The following SLIT3 variants were observed in gnomAD, a reference collection of about 807,000 sequenced individuals.
SLIT3 encodes slit guidance ligand 3.
A neutral mutation model predicts 184.0 loss-of-function variants in SLIT3; 68 were observed. That is an observed-to-expected ratio of 0.37 (90% CI 0.30 to 0.45). The LOEUF is 0.45. Ranked by LOEUF, SLIT3 falls within the 20% of genes least tolerant of loss-of-function variation. The probability of loss-of-function intolerance (pLI) is 1.00; values close to 1 mark genes in which losing one functional copy is unlikely to be tolerated. For synonymous variants in SLIT3, 831 were observed against 828.6 expected, an observed-to-expected ratio of 1.00 and a Z score of -0.05; for missense variants, 1,707 against 2,026.0, an observed-to-expected ratio of 0.84 and a Z score of 3.02.
chr5:169,016,559 T>G (rs1756382092), intron 4 of SLIT3, among the ~76,000 whole-genome samples: 1 of 152,196 alleles, frequency 6.6e-6, no homozygotes, highest in Admixed American at 6.5e-5. Context: ...ATCCATCCAT[T>G]AAAAACATAT....
intron 3 of SLIT3, among the ~76,000 whole-genome samples, chr5:169,215,521 C>T (rs1447174770): frequency 6.6e-6 from 1 of 152,118 alleles, no homozygotes; most frequent in African/African-American, 2.4e-5. Flanking sequence ...TGTCTGTCAA[C>T]ATTACTCAAT....
intron 9 of SLIT3, among the ~76,000 whole-genome samples, chr5:168,802,670 C>T (rs776418452): frequency 5.3e-5 from 8 of 152,158 alleles, no homozygotes; most frequent in South Asian, 2.1e-4. Context: ...CCTATGTTTA[C>T]GGAGGGATCT....
At chr5:169,296,118 G>T (rs1009108145) in intron 1 of SLIT3, among the ~76,000 whole-genome samples, 2 of 152,172 alleles carry the variant, frequency 1.3e-5, no homozygotes, top group Non-Finnish European at 2.9e-5. Flanking sequence ...TCATGTCATA[G>T]GTTACTAGTG....
At chr5:169,230,658 C>T (rs1481504143) in intron 3 of SLIT3, among the ~76,000 whole-genome samples, 1 of 152,112 alleles carries the variant, frequency 6.6e-6, no homozygotes, top group East Asian at 1.9e-4. Context: ...TCCTTTCTAG[C>T]CTATTTCCTC....
At chr5:169,152,355 C>A (rs1392172731) in intron 4 of SLIT3, among the ~76,000 whole-genome samples, 1 of 152,236 alleles carries the variant, frequency 6.6e-6, no homozygotes, top group Non-Finnish European at 1.5e-5. Context: ...GAGACTCGAA[C>A]CTGCTGATCC....
chr5:168,909,533 A>T (rs1425862217), intron 4 of SLIT3, among the ~76,000 whole-genome samples: 1 of 152,146 alleles, frequency 6.6e-6, no homozygotes, highest in Non-Finnish European at 1.5e-5. Flanking sequence ...ACTGCCATTT[A>T]TCATTGAGCT....
chr5:169,213,930 A>C (rs1438631951), intron 3 of SLIT3, among the ~76,000 whole-genome samples: 1 of 152,230 alleles, frequency 6.6e-6, no homozygotes, highest in Non-Finnish European at 1.5e-5. Flanking sequence ...GGTGTGGAAT[A>C]AAGTAAGAGT....
intron 4 of SLIT3, among the ~76,000 whole-genome samples, chr5:169,009,915 C>G (rs1014671716): frequency 6.6e-6 from 1 of 152,058 alleles, no homozygotes; most frequent in African/African-American, 2.4e-5. Context: ...GTTCTTGTTC[C>G]TCAAGCAAGT....
intron 4 of SLIT3, among the ~76,000 whole-genome samples, chr5:169,078,911 G>C (rs1391350480): frequency 1.3e-5 from 2 of 152,132 alleles, no homozygotes; most frequent in Non-Finnish European, 2.9e-5. Context: ...ACTAAGACTT[G>C]GAGGAATTAA....
At chr5:168,890,176 T>C (rs904013988) in intron 4 of SLIT3, among the ~76,000 whole-genome samples, 2 of 151,534 alleles carry the variant, frequency 1.3e-5, no homozygotes, top group African/African-American at 4.9e-5. Flanking sequence ...GAGCACCAGT[T>C]TCACTGTTTC....
chr5:169,194,581 A>T (rs773609240), intron 3 of SLIT3, among the ~76,000 whole-genome samples: 2 of 152,122 alleles, frequency 1.3e-5, no homozygotes, highest in Non-Finnish European at 2.9e-5. Context: ...CCAAAAGTTC[A>T]TTTTTGTCTT....
intron 4 of SLIT3, among the ~76,000 whole-genome samples, chr5:169,129,050 G>A (rs1270500250): frequency 6.6e-6 from 1 of 152,186 alleles, no homozygotes; most frequent in Admixed American, 6.5e-5. Flanking sequence ...CACGGCAGGG[G>A]AGCGGGGGTT....
chr5:169,290,048 C>T (rs560505347), intron 1 of SLIT3, among the ~76,000 whole-genome samples: 6 of 149,262 alleles, frequency 4.0e-5, no homozygotes, highest in African/African-American at 7.3e-5. Context: ...TTAGGGCATA[C>T]GCCAGGGCAC....
chr5:169,215,353 T>G (rs1027462540), intron 3 of SLIT3, among the ~76,000 whole-genome samples: 2 of 152,212 alleles, frequency 1.3e-5, no homozygotes, highest in Non-Finnish European at 2.9e-5. Context: ...TTCTAGGAAG[T>G]CTGTCTGATC....
intron 10 of SLIT3, among the ~76,000 whole-genome samples, chr5:168,793,915 G>T (rs1756474922): frequency 6.6e-6 from 1 of 152,150 alleles, no homozygotes; most frequent in Non-Finnish European, 1.5e-5. Context: ...CAGGAATGCT[G>T]CCAAGAGGAG....
At chr5:168,685,641 T>TG in intron 31 of SLIT3, 46 bp downstream of exon 31, 1 of 1,505,038 alleles carries the variant, frequency 6.6e-7, no homozygotes, top group South Asian at 1.4e-5. Flanking sequence ...TCAGAGCTTG[T>TG]GGGCATGTTG....
chr5:169,027,446 G>A (rs1434516702), intron 4 of SLIT3, among the ~76,000 whole-genome samples: 1 of 152,184 alleles, frequency 6.6e-6, no homozygotes, highest in Non-Finnish European at 1.5e-5. Flanking sequence ...ACATGCAGAA[G>A]TCTGGCCCAC....
At chr5:168,979,118 A>AG (rs1404397689) in intron 4 of SLIT3, among the ~76,000 whole-genome samples, 1 of 152,234 alleles carries the variant, frequency 6.6e-6, no homozygotes, top group East Asian at 1.9e-4. Context: ...CTCCAGGCTC[A>AG]TCCTGGGAAA....
At chr5:168,779,574 T>C (rs774147878) in intron 12 of SLIT3, among the ~76,000 whole-genome samples, 5 of 152,316 alleles carry the variant, frequency 3.3e-5, no homozygotes, top group South Asian at 2.1e-4. Flanking sequence ...ACTCAGCCCA[T>C]TGACTACCCA....
Sources: gnomAD v4.1 joint callset for allele counts (sites outside exome capture counted in the v4.1 genomes callset) on GRCh38, gnomAD v4.1.1 for gene constraint, MANE v1.5 for transcripts, NCBI Gene and HGNC (gene_info 2026-07-23, HGNC 2026-07-21) for gene names.